The following DPF3 variants were observed in gnomAD, a reference collection of about 807,000 sequenced individuals.
The protein encoded by DPF3 is zinc finger protein DPF3.
A neutral mutation model predicts 56.8 loss-of-function variants in DPF3; 18 were observed. The ratio of observed to expected loss-of-function variants is 0.32; its 90% CI spans 0.22 to 0.47. The LOEUF (loss-of-function observed/expected upper bound fraction) is 0.47, where lower values mean the gene tolerates loss of function less well. Ranked by LOEUF, DPF3 falls within the 20% of genes least tolerant of loss-of-function variation. DPF3 has a pLI of 1.00. For synonymous variants in DPF3, 188 were observed against 180.2 expected, an observed-to-expected ratio of 1.04 and a Z score of -0.35; for missense variants, 403 against 488.8, an observed-to-expected ratio of 0.82 and a Z score of 1.65.
intron 1 of DPF3, among the ~76,000 whole-genome samples, chr14:72,817,216 C>T (rs1325659240): frequency 6.6e-6 from 1 of 152,216 alleles, no homozygotes; most frequent in East Asian, 1.9e-4. Flanking sequence ...GCCCTGTTTC[C>T]CAAAACTCAA....
chr14:72,693,458 A>G (rs1887785694), intron 6 of DPF3, among the ~76,000 whole-genome samples: 1 of 152,112 alleles, frequency 6.6e-6, no homozygotes, highest in Non-Finnish European at 1.5e-5. Flanking sequence ...TGAGCACTCC[A>G]CCGTTTCTAG....
At chr14:72,660,526 G>A (rs1478067309) in intron 8 of DPF3, among the ~76,000 whole-genome samples, 2 of 152,212 alleles carry the variant, frequency 1.3e-5, no homozygotes, top group African/African-American at 4.8e-5. Context: ...TACCCCGGGG[G>A]TTCCAGCTGA....
At chr14:72,785,278 T>C (rs1040595206) in intron 1 of DPF3, among the ~76,000 whole-genome samples, 10 of 152,196 alleles carry the variant, frequency 6.6e-5, no homozygotes, top group African/African-American at 2.4e-4. Flanking sequence ...TCTAAGCACT[T>C]TACATGTATT....
At chr14:72,675,196 TG>T (rs1886857182) in intron 7 of DPF3, among the ~76,000 whole-genome samples, 2 of 152,264 alleles carry the variant, frequency 1.3e-5, no homozygotes, top group African/African-American at 4.8e-5. Context: ...TCTTAGGACA[TG>T]ACTTTGAAAA....
intron 1 of DPF3, among the ~76,000 whole-genome samples, chr14:72,821,826 C>T (rs928828553): frequency 1.4e-5 from 2 of 142,916 alleles, no homozygotes; most frequent in Admixed American, 7.3e-5. Flanking sequence ...AGTAACATGG[C>T]GAGAGCTCAT....
chr14:72,868,659 A>T (rs1202631065), intron 1 of DPF3, among the ~76,000 whole-genome samples: 1 of 152,190 alleles, frequency 6.6e-6, no homozygotes, highest in Non-Finnish European at 1.5e-5. Flanking sequence ...ACCTGGGAGG[A>T]AAACAATCTA....
At chr14:72,854,836 A>G (rs1362689791) in intron 1 of DPF3, among the ~76,000 whole-genome samples, 1 of 152,200 alleles carries the variant, frequency 6.6e-6, no homozygotes, top group Non-Finnish European at 1.5e-5. Flanking sequence ...TTCACTCAGC[A>G]CAATCCTTAA....
chr14:72,749,533 T>C (rs924492630), intron 3 of DPF3, among the ~76,000 whole-genome samples: 1 of 152,226 alleles, frequency 6.6e-6, no homozygotes, highest in Non-Finnish European at 1.5e-5. Context: ...TTTTGAAATG[T>C]GAAGATATGA....
At chr14:72,638,427 A>C (rs2153567607) in intron 8 of DPF3, among the ~76,000 whole-genome samples, 1 of 152,356 alleles carries the variant, frequency 6.6e-6, no homozygotes, top group Middle Eastern at 3.4e-3. Flanking sequence ...CCTGAAAAAG[A>C]AACCATTGCT....
At position 72,628,160 on chromosome 14, in the gene DPF3, T is replaced by C. The variant is rs534464666; in HGVS notation, c.984+1464A>G. Among the ~76,000 whole-genome samples, 5 of 152,264 alleles carry C rather than the reference T, an allele frequency of 3.3e-5. No homozygotes were observed. The East Asian group carries it at 9.6e-4, about 29-fold the overall frequency. On this transcript the variant is annotated intron_variant, in intron 9 of 10. Transcript: ENST00000556509. ...CTAGAATAGTGTCGAATCATAGTTA[T>C]AGAGATAGTGAGCATCCTCCCCTGG...
At chr14:72,715,253 C>T (rs973866751) in intron 5 of DPF3, among the ~76,000 whole-genome samples, 7 of 152,302 alleles carry the variant, frequency 4.6e-5, no homozygotes, top group Non-Finnish European at 1.0e-4. Flanking sequence ...CCCAGGGTGG[C>T]GGTGGAATGA....
At position 72,838,890 on chromosome 14, in the gene DPF3, T is replaced by C. The variant is rs1270087205; in HGVS notation, c.32+55167A>G. 6.5e-5 allele frequency among the ~76,000 whole-genome samples: 7 copies of C among 107,820 alleles called. No individual in the cohort carries two copies. In the South Asian group the frequency reaches 1.7e-3, roughly 27 times the overall value. 70.7% of individuals were successfully genotyped at this position (107,820 alleles called of 152,430 possible). A position where few individuals can be genotyped will look rare whatever the true frequency, so the allele number is the denominator to read the frequency against. On this transcript the variant is annotated intron_variant, in intron 1 of 10. Coordinates refer to ENST00000556509, the MANE Select transcript of DPF3 (RefSeq NM_001280542.3). ...TATTTTTTGCAAATTATCTATCATATATATTATCATATATATTCTTTTTTT... is the reference window on the plus strand; with the variant it reads ...TATTTTTTGCAAATTATCTATCATACATATTATCATATATATTCTTTTTTT...
chr14:72,846,966 AATCTTCATTAACATGTT>A (rs1176324569), intron 1 of DPF3, among the ~76,000 whole-genome samples: 4 of 152,178 alleles, frequency 2.6e-5, no homozygotes, highest in East Asian at 3.8e-4. Flanking sequence ...TGGCCTGGTT[AATCTTCATTAACATGTT>A]ATCTTCATTA....
chr14:72,768,254 C>T (rs1891373036), intron 2 of DPF3, among the ~76,000 whole-genome samples: 4 of 152,170 alleles, frequency 2.6e-5, no homozygotes, highest in Admixed American at 1.3e-4. Context: ...ACAATAAACG[C>T]TTCTCTTACG....
At chr14:72,847,743 C>T (rs535606890) in intron 1 of DPF3, among the ~76,000 whole-genome samples, 8 of 152,250 alleles carry the variant, frequency 5.3e-5, no homozygotes, top group Admixed American at 2.6e-4. Context: ...AACTCCTGAC[C>T]TCAGGTGATC....
At chr14:72,836,209 G>A (rs905966675) in intron 1 of DPF3, 8 of 985,672 alleles carry the variant, frequency 8.1e-6, no homozygotes, top group East Asian at 1.1e-4. Flanking sequence ...GACAGAGCAC[G>A]GTGTTCTGCA....
At chr14:72,622,356 C>T (rs563643652) in intron 9 of DPF3, among the ~76,000 whole-genome samples, 2 of 152,212 alleles carry the variant, frequency 1.3e-5, no homozygotes, top group East Asian at 1.9e-4. Context: ...GACGAGCACA[C>T]TGTAGTTTAC....
intron 1 of DPF3, among the ~76,000 whole-genome samples, chr14:72,835,729 G>A (rs997552103): frequency 2.6e-5 from 4 of 152,068 alleles, no homozygotes; most frequent in African/African-American, 7.2e-5. Flanking sequence ...CTCTGTGCTC[G>A]GGCCGCCTCG....
At chr14:72,623,885 G>T (rs1884628260) in intron 9 of DPF3, among the ~76,000 whole-genome samples, 1 of 152,070 alleles carries the variant, frequency 6.6e-6, no homozygotes, top group Non-Finnish European at 1.5e-5. Context: ...AGTGATTCCA[G>T]GTCTGGAGCA....
Sources: gnomAD v4.1 joint callset for allele counts (sites outside exome capture counted in the v4.1 genomes callset) on GRCh38, gnomAD v4.1.1 for gene constraint, MANE v1.5 for transcripts, NCBI Gene and HGNC (gene_info 2026-07-23, HGNC 2026-07-21) for gene names.